The following GSTCD variants were observed in gnomAD, a reference collection of about 807,000 sequenced individuals.
GSTCD encodes the protein glutathione S-transferase C-terminal domain-containing protein.
A neutral mutation model predicts 68.3 loss-of-function variants in GSTCD; 44 were observed. The observed-to-expected ratio is 0.64, with a 90% CI of 0.51 to 0.83. GSTCD has a LOEUF of 0.83. Ranked by LOEUF, GSTCD falls within the 40% of genes least tolerant of loss-of-function variation. The pLI, the probability that GSTCD is intolerant of heterozygous loss-of-function variation, is 0.00. For missense variants in GSTCD, 739 were observed against 735.9 expected, an observed-to-expected ratio of 1.00 and a Z score of -0.05; for synonymous variants, 273 against 255.2, an observed-to-expected ratio of 1.07 and a Z score of -0.67.
chr4:105,786,982 A>G (rs1379984767), intron 5 of GSTCD, among the ~76,000 whole-genome samples: 1 of 152,112 alleles, frequency 6.6e-6, no homozygotes, highest in Admixed American at 6.5e-5. Context: ...AGTCTACTCT[A>G]TGTTTACACC....
At chr4:105,802,136 A>G (rs972266555) in intron 5 of GSTCD, among the ~76,000 whole-genome samples, 6 of 152,136 alleles carry the variant, frequency 3.9e-5, no homozygotes, top group Non-Finnish European at 8.8e-5. Flanking sequence ...TATAAAAACT[A>G]CTTAGACTAA....
intron 5 of GSTCD, among the ~76,000 whole-genome samples, chr4:105,730,545 G>C (rs182498587): frequency 9.1e-4 from 138 of 152,270 alleles, no homozygotes; most frequent in African/African-American, 3.2e-3. Context: ...GTCTTCTTTT[G>C]AGAAGTGTCT....
At chr4:105,748,072 A>G (rs555388874) in intron 5 of GSTCD, among the ~76,000 whole-genome samples, 41 of 152,064 alleles carry the variant, frequency 2.7e-4, no homozygotes, top group African/African-American at 9.9e-4. Flanking sequence ...CTGTCCAATA[A>G]GGTAAAACCC....
intron 9 of GSTCD, 71 bp downstream of exon 9, chr4:105,834,665 A>T: frequency 7.2e-7 from 1 of 1,395,734 alleles, no homozygotes. Flanking sequence ...TGTTTGATAT[A>T]AAGTTGCAAT....
chr4:105,831,508 T>C (rs1723894423), intron 8 of GSTCD, among the ~76,000 whole-genome samples: 2 of 152,220 alleles, frequency 1.3e-5, no homozygotes, highest in African/African-American at 4.8e-5. Flanking sequence ...ATCTTGGCTC[T>C]TTGTTAAAAA....
intron 5 of GSTCD, among the ~76,000 whole-genome samples, chr4:105,796,264 AT>A (rs763182663): frequency 1.3e-5 from 2 of 152,150 alleles, no homozygotes; most frequent in Non-Finnish European, 2.9e-5. Context: ...ATCTCGTGAG[AT>A]TTATTCACCA....
chr4:105,840,166 T>C (rs1724281462), intron 10 of GSTCD: 3 of 450,904 alleles, frequency 6.7e-6, no homozygotes, highest in Non-Finnish European at 1.3e-5. Flanking sequence ...GTGAGACTTA[T>C]CAGTACAAGA....
intron 1 of GSTCD, among the ~76,000 whole-genome samples, chr4:105,709,984 T>A (rs1196410387): frequency 6.6e-6 from 1 of 152,040 alleles, no homozygotes; most frequent in Non-Finnish European, 1.5e-5. Context: ...TCTTTTTTTT[T>A]AACTGCCTGA....
At chr4:105,826,625 T>C (rs1723628731) in intron 8 of GSTCD, among the ~76,000 whole-genome samples, 2 of 152,152 alleles carry the variant, frequency 1.3e-5, no homozygotes, top group South Asian at 4.1e-4. Flanking sequence ...ATGTGAACAT[T>C]GTTAAGACCA....
chr4:105,717,202 A>C (rs976384502), intron 1 of GSTCD, among the ~76,000 whole-genome samples: 1 of 152,130 alleles, frequency 6.6e-6, no homozygotes, highest in Admixed American at 6.5e-5. Context: ...GTATGGAAGG[A>C]CCAGCACTGT....
chr4:105,835,983 A>C (rs1341700748), intron 9 of GSTCD, among the ~76,000 whole-genome samples: 1 of 151,976 alleles, frequency 6.6e-6, no homozygotes, highest in Admixed American at 6.5e-5. Flanking sequence ...TCTCAGGTGG[A>C]AGGAGACCCG....
intron 5 of GSTCD, among the ~76,000 whole-genome samples, chr4:105,815,902 A>G (rs999073506): frequency 6.6e-6 from 1 of 152,224 alleles, no homozygotes; most frequent in Non-Finnish European, 1.5e-5. Flanking sequence ...AAAATGCCAG[A>G]GCAGAGTAAT....
intron 5 of GSTCD, among the ~76,000 whole-genome samples, chr4:105,770,263 G>A (rs1221392878): frequency 3.3e-5 from 5 of 151,836 alleles, no homozygotes; most frequent in African/African-American, 1.2e-4. Flanking sequence ...CTTTTACTTA[G>A]CGTTTAGACT....
rs767514192 is a variant in GSTCD at position 105,825,811 on chromosome 4, A to G, written c.1530+11A>G. 1.4e-6 allele frequency: 2 copies of G among 1,457,508 alleles called. No homozygotes were observed. The highest frequency in any genetic ancestry group is 2.4e-5 in the South Asian group (2 of 83,074). The allele number at this position is 1,457,508 out of a possible 1,614,324, so 90.3% of individuals were successfully genotyped here. A position where few individuals can be genotyped will look rare whatever the true frequency, so the allele number is the denominator to read the frequency against. On this transcript the variant is annotated intron_variant, in intron 8 of 11. Coordinates refer to ENST00000515279, the MANE Select transcript of GSTCD (RefSeq NM_001370181.1). ...ATGTTTAATATTGGAGTAAGTAATC[A>G]AGTAATTTCAATTTCTTTAATTAGC...
intron 1 of GSTCD, among the ~76,000 whole-genome samples, chr4:105,711,500 G>A (rs17036139): frequency 0.054 from 8,158 of 152,154 alleles, 252 homozygotes; most frequent in Middle Eastern, 0.14. Flanking sequence ...CATAATTTGG[G>A]TTTTGCCCAT....
intron 5 of GSTCD, among the ~76,000 whole-genome samples, chr4:105,779,388 G>A (rs1454313469): frequency 2.0e-5 from 3 of 152,126 alleles, no homozygotes; most frequent in Non-Finnish European, 2.9e-5. Context: ...ATGTCAGGAG[G>A]ACAACAAAAA....
intron 11 of GSTCD, among the ~76,000 whole-genome samples, chr4:105,844,807 T>G (rs1472442889): frequency 6.6e-6 from 1 of 152,208 alleles, no homozygotes; most frequent in Non-Finnish European, 1.5e-5. Flanking sequence ...TTCTTGCCAG[T>G]CAGGTTTCCT....
intron 1 of GSTCD, among the ~76,000 whole-genome samples, chr4:105,716,181 T>C (rs1331469771): frequency 6.6e-6 from 1 of 152,138 alleles, no homozygotes; most frequent in Non-Finnish European, 1.5e-5. Context: ...TAATAACATA[T>C]AGTATATCAC....
At chr4:105,791,887 T>C (rs1735690311) in intron 5 of GSTCD, among the ~76,000 whole-genome samples, 1 of 152,166 alleles carries the variant, frequency 6.6e-6, no homozygotes, top group Admixed American at 6.5e-5. Flanking sequence ...AAAGGAAATA[T>C]ATAACTTTTT....
Sources: gnomAD v4.1 joint callset for allele counts (sites outside exome capture counted in the v4.1 genomes callset) on GRCh38, gnomAD v4.1.1 for gene constraint, MANE v1.5 for transcripts, NCBI Gene and HGNC (gene_info 2026-07-23, HGNC 2026-07-21) for gene names.